Variants in SULF1 observed in about 807,000 individuals in gnomAD.
SULF1 encodes extracellular sulfatase Sulf-1.
A neutral mutation model predicts 110.5 loss-of-function variants in SULF1; 46 were observed. That is an observed-to-expected ratio of 0.42 (90% CI 0.33 to 0.53). SULF1 has a LOEUF of 0.53. Among genes scored for constraint, SULF1 ranks in the 20% least tolerant of loss-of-function variants. SULF1 has a pLI of 0.12. For synonymous variants in SULF1, 371 were observed against 387.1 expected (o/e 0.96, Z 0.49); for missense variants, 941 against 1,094.2 (o/e 0.86, Z 1.98).
chr8:69,593,731 T>C (rs914264654), intron 8 of SULF1, among the ~76,000 whole-genome samples: 6 of 152,212 alleles, frequency 3.9e-5, no homozygotes, highest in African/African-American at 1.4e-4. Flanking sequence ...CACTGAGAAA[T>C]CTGAGAAAGC....
intron 22 of SULF1, chr8:69,641,083 C>T: frequency 2.6e-6 from 1 of 381,748 alleles, no homozygotes; most frequent in Middle Eastern, 5.1e-4. Context: ...TGCTTGTTTG[C>T]TTGTTGGATG....
At chr8:69,536,941 C>G (rs567555972) in intron 3 of SULF1, among the ~76,000 whole-genome samples, 8 of 152,130 alleles carry the variant, frequency 5.3e-5, no homozygotes, top group Non-Finnish European at 1.2e-4. Flanking sequence ...AGTTAAATGC[C>G]AGTCCCCTAC....
At chr8:69,495,421 CTT>C (rs1272667032) in intron 1 of SULF1, among the ~76,000 whole-genome samples, 4 of 152,130 alleles carry the variant, frequency 2.6e-5, no homozygotes, top group African/African-American at 9.6e-5. Flanking sequence ...AGATTTTTGT[CTT>C]TGAAATTTTG....
intron 22 of SULF1, among the ~76,000 whole-genome samples, chr8:69,657,237 A>G (rs1402040080): frequency 6.6e-5 from 10 of 151,992 alleles, no homozygotes; most frequent in Non-Finnish European, 1.3e-4. Flanking sequence ...AACTTTTCGT[A>G]TCTCTTTTTT....
intron 3 of SULF1, among the ~76,000 whole-genome samples, chr8:69,517,457 G>A (rs944166201): frequency 6.6e-6 from 1 of 152,126 alleles, no homozygotes; most frequent in South Asian, 2.1e-4. Flanking sequence ...ACATATTCCT[G>A]CTTGAAATTC....
At chr8:69,485,942 TG>T (rs1161053854) in intron 1 of SULF1, among the ~76,000 whole-genome samples, 1 of 152,228 alleles carries the variant, frequency 6.6e-6, no homozygotes, top group Non-Finnish European at 1.5e-5. Context: ...TTTACCTGCT[TG>T]AATGACTGCC....
chr8:69,548,649 C>A (rs1814464173), intron 3 of SULF1, among the ~76,000 whole-genome samples: 1 of 136,408 alleles, frequency 7.3e-6, no homozygotes, highest in Non-Finnish European at 1.5e-5. Flanking sequence ...TTAGTAGAGA[C>A]AGGGTTTCAC....
chr8:69,596,372 CCT>C (rs1288852051), intron 8 of SULF1, among the ~76,000 whole-genome samples: 1 of 151,928 alleles, frequency 6.6e-6, no homozygotes, highest in East Asian at 1.9e-4. Flanking sequence ...GGTCTTTTGT[CCT>C]CTCAATTTTA....
At chr8:69,582,762 G>A (rs1225262552) in intron 6 of SULF1, among the ~76,000 whole-genome samples, 1 of 152,118 alleles carries the variant, frequency 6.6e-6, no homozygotes, top group Non-Finnish European at 1.5e-5. Context: ...GAAAGCACGG[G>A]GCTTGAGGCT....
At chr8:69,613,289 G>A (rs1228146862) in intron 13 of SULF1, among the ~76,000 whole-genome samples, 1 of 144,672 alleles carries the variant, frequency 6.9e-6, no homozygotes, top group Non-Finnish European at 1.5e-5. Context: ...GTAATGTGAT[G>A]CCTACAGATT....
At chr8:69,514,498 G>A (rs568237324) in intron 3 of SULF1, among the ~76,000 whole-genome samples, 2 of 152,332 alleles carry the variant, frequency 1.3e-5, no homozygotes, top group Non-Finnish European at 1.5e-5. Context: ...AGATTTGGGT[G>A]GGGGTACAGA....
chr8:69,641,039 C>T, intron 22 of SULF1, 198 bp downstream of exon 22: 1 of 454,454 alleles, frequency 2.2e-6, no homozygotes, highest in Non-Finnish European at 3.9e-6. Context: ...CTCACTGTCC[C>T]ATCAAGATGT....
chr8:69,490,351 C>T (rs866725505), upstream of SULF1, among the ~76,000 whole-genome samples: 21 of 152,216 alleles, frequency 1.4e-4, no homozygotes, highest in African/African-American at 5.1e-4. Flanking sequence ...ATCCACCCGC[C>T]TTGGCCTCCA....
chr8:69,617,393 A>G (rs1213985103), intron 13 of SULF1, among the ~76,000 whole-genome samples: 28 of 8,304 alleles, frequency 3.4e-3, no homozygotes, highest in African/African-American at 0.016. Context: ...ATATATATAT[A>G]TATATATATA....
At chr8:69,597,502 AG>A (rs1291922515) in intron 8 of SULF1, 2 of 152,232 alleles carry the variant, frequency 1.3e-5, no homozygotes, top group African/African-American at 4.8e-5. Flanking sequence ...CTTTGACAAC[AG>A]TCCCTGAACT....
At chr8:69,643,564 GT>G (rs989344770) in intron 22 of SULF1, among the ~76,000 whole-genome samples, 1 of 152,176 alleles carries the variant, frequency 6.6e-6, no homozygotes, top group African/African-American at 2.4e-5. Flanking sequence ...CTAAATAAAT[GT>G]TTTTAAACTG....
chr8:69,602,404 A>T (rs892716751), intron 10 of SULF1, among the ~76,000 whole-genome samples: 1 of 152,176 alleles, frequency 6.6e-6, no homozygotes, highest in East Asian at 1.9e-4. Flanking sequence ...TCATCTCAGG[A>T]TGTTTTGAAT....
intron 3 of SULF1, among the ~76,000 whole-genome samples, chr8:69,505,855 AG>A (rs1209040084): frequency 6.6e-6 from 1 of 152,016 alleles, no homozygotes; most frequent in African/African-American, 2.4e-5. Context: ...ATTTAAAATT[AG>A]GTATTTGTTG....
intron 2 of SULF1, among the ~76,000 whole-genome samples, chr8:69,501,048 C>T (rs1006480028): frequency 6.6e-6 from 1 of 152,214 alleles, no homozygotes. Context: ...TCTGAGATCC[C>T]CCCATATGTA....
Sources: gnomAD v4.1 joint callset for allele counts (sites outside exome capture counted in the v4.1 genomes callset) on GRCh38, gnomAD v4.1.1 for gene constraint, MANE v1.5 for transcripts, NCBI Gene and HGNC (gene_info 2026-07-23, HGNC 2026-07-21) for gene names.